The following JAM3 variants were observed in gnomAD, a reference collection of about 807,000 sequenced individuals.
The protein encoded by JAM3 is junctional adhesion molecule 3.
Under a neutral mutation model 39.4 loss-of-function variants are expected in JAM3, and 31 were observed. The observed-to-expected ratio is 0.79, with a 90% CI of 0.59 to 1.06. The LOEUF (loss-of-function observed/expected upper bound fraction) is 1.06, where lower values mean the gene tolerates loss of function less well. Ranked by LOEUF, JAM3 falls within the 50% of genes least tolerant of loss-of-function variation. The pLI, the probability that JAM3 is intolerant of heterozygous loss-of-function variation, is 0.00. For missense variants in JAM3, 455 were observed against 391.4 expected, an observed-to-expected ratio of 1.16 and a Z score of -1.37; for synonymous variants, 182 against 148.7, an observed-to-expected ratio of 1.22 and a Z score of -1.63.
chr11:134,101,949 G>C (rs1012187831), intron 1 of JAM3, among the ~76,000 whole-genome samples: 1 of 152,170 alleles, frequency 6.6e-6, no homozygotes, highest in African/African-American at 2.4e-5. Context: ...GTATTCCCAA[G>C]AGTCTGAGGT....
At chr11:134,112,882 TTG>T (rs1394673811) in intron 1 of JAM3, among the ~76,000 whole-genome samples, 1 of 152,174 alleles carries the variant, frequency 6.6e-6, no homozygotes, top group African/African-American at 2.4e-5. Context: ...CATGAAAATC[TTG>T]TCTCATTTGA....
chr11:134,105,064 A>C (rs1442660997), intron 1 of JAM3, among the ~76,000 whole-genome samples: 1 of 152,218 alleles, frequency 6.6e-6, no homozygotes, highest in African/African-American at 2.4e-5. Flanking sequence ...AGAGAATTTT[A>C]GACCAATATC....
At chr11:134,141,105 G>A (rs1165428005) in intron 3 of JAM3, among the ~76,000 whole-genome samples, 1 of 152,096 alleles carries the variant, frequency 6.6e-6, no homozygotes, top group Non-Finnish European at 1.5e-5. Flanking sequence ...TGATGTAGGT[G>A]AGTGAATGAG....
intron 1 of JAM3, among the ~76,000 whole-genome samples, chr11:134,093,385 T>C (rs1941911120): frequency 8.0e-6 from 1 of 125,254 alleles, no homozygotes; most frequent in South Asian, 2.9e-4. Flanking sequence ...CCACCTTACA[T>C]CTTATTCATC....
intron 1 of JAM3, among the ~76,000 whole-genome samples, chr11:134,107,092 T>C (rs28775869): frequency 7.9e-5 from 12 of 152,130 alleles, no homozygotes; most frequent in Non-Finnish European, 1.6e-4. Context: ...CAAATGTCCA[T>C]CAATGATAGA....
At chr11:134,114,367 G>A (rs1389070837) in intron 1 of JAM3, among the ~76,000 whole-genome samples, 1 of 152,164 alleles carries the variant, frequency 6.6e-6, no homozygotes, top group East Asian at 1.9e-4. Flanking sequence ...TGTATAAGGT[G>A]TGAGGAACGG....
At chr11:134,115,106 G>A (rs1233583644) in intron 1 of JAM3, among the ~76,000 whole-genome samples, 1 of 152,058 alleles carries the variant, frequency 6.6e-6, no homozygotes, top group African/African-American at 2.4e-5. Flanking sequence ...TTATTGTTAT[G>A]AAATGACTTC....
chr11:134,130,681 C>T (rs892361175), intron 1 of JAM3, among the ~76,000 whole-genome samples: 1 of 152,238 alleles, frequency 6.6e-6, no homozygotes, highest in Non-Finnish European at 1.5e-5. Flanking sequence ...TTTACACACC[C>T]TTGCCCTACC....
chr11:134,102,826 G>T (rs1035590281), intron 1 of JAM3, among the ~76,000 whole-genome samples: 7 of 152,110 alleles, frequency 4.6e-5, no homozygotes, highest in African/African-American at 1.4e-4. Flanking sequence ...AAAGTAAAAA[G>T]AAACAAACAC....
At chr11:134,134,398 C>CAAAAAAAAAAAAAAAAAAAAAAAAAAAA (rs34729848) in intron 1 of JAM3, among the ~76,000 whole-genome samples, 3 of 31,920 alleles carry the variant, frequency 9.4e-5, no homozygotes, top group African/African-American at 1.3e-4. Context: ...GGATAAATGC[C>CAAAAAAAAAAAAAAAAAAAAAAAAAAAA]AAAAAAAAAA....
Position 134,123,367 on chromosome 11 carries a change from A to G in JAM3, c.77-16484A>G, listed in dbSNP as rs1386216371. Among the ~76,000 whole-genome samples, 7 of 151,990 alleles carry G rather than the reference A, an allele frequency of 4.6e-5. No individual in the cohort carries two copies. The East Asian group carries it at 1.4e-3, about 30-fold the overall frequency. On this transcript the variant is annotated intron_variant, in intron 1 of 8. Transcript: ENST00000299106. ...GGAGAGGAAGGAAAAAAGGAGAAAA[A>G]TACACCACCACCCCCCCCCCCCCAA...
intron 1 of JAM3, among the ~76,000 whole-genome samples, chr11:134,071,621 C>A (rs1268970048): frequency 6.6e-6 from 1 of 152,140 alleles, no homozygotes; most frequent in Non-Finnish European, 1.5e-5. Flanking sequence ...AAAACAGCAA[C>A]AGTTTTCATT....
At chr11:134,116,076 T>C (rs1303219028) in intron 1 of JAM3, among the ~76,000 whole-genome samples, 1 of 152,190 alleles carries the variant, frequency 6.6e-6, no homozygotes, top group Non-Finnish European at 1.5e-5. Context: ...TGTTTCTTTT[T>C]CCCTTTCTAT....
chr11:134,132,625 A>C (rs1422320551), intron 1 of JAM3, among the ~76,000 whole-genome samples: 1 of 152,222 alleles, frequency 6.6e-6, no homozygotes, highest in Non-Finnish European at 1.5e-5. Context: ...CTCTGGTAAG[A>C]CAATTTCTCT....
Position 134,102,490 on chromosome 11 carries a change from A to G in JAM3, c.76+33331A>G, listed in dbSNP as rs576408671. Among the ~76,000 whole-genome samples the G allele has an allele frequency of 2.8e-4, 43 of 152,380 alleles. No homozygotes were observed. The South Asian group carries it at 3.7e-3, about 13-fold the overall frequency. On this transcript the variant is annotated intron_variant, in intron 1 of 8. Transcript: ENST00000299106. ...CTCCAAAGGACCGCAGCTCCTCACCAGCAACGGAACAAAGCTGGACACAGA... is the reference window on the plus strand; with the variant it reads ...CTCCAAAGGACCGCAGCTCCTCACCGGCAACGGAACAAAGCTGGACACAGA...
intron 1 of JAM3, among the ~76,000 whole-genome samples, chr11:134,116,079 C>T (rs1387705002): frequency 6.6e-6 from 1 of 152,018 alleles, no homozygotes; most frequent in Non-Finnish European, 1.5e-5. Flanking sequence ...TTCTTTTTCC[C>T]TTTCTATTTT....
chr11:134,104,670 G>C (rs888733510), intron 1 of JAM3, among the ~76,000 whole-genome samples: 46 of 152,200 alleles, frequency 3.0e-4, no homozygotes, highest in African/African-American at 1.0e-3. Context: ...TGATAAAGGA[G>C]ATATCGCCAC....
At chr11:134,130,494 T>A (rs1247800287) in intron 1 of JAM3, among the ~76,000 whole-genome samples, 1 of 152,072 alleles carries the variant, frequency 6.6e-6, no homozygotes. Context: ...AGCAAAATGG[T>A]GGACTGGGAA....
At chr11:134,146,551 C>CT (rs534444268) in intron 6 of JAM3, among the ~76,000 whole-genome samples, 53 of 148,278 alleles carry the variant, frequency 3.6e-4, no homozygotes, top group East Asian at 2.2e-3. Context: ...ACTTGGGGAG[C>CT]TTTTTTTTTT....
Sources: allele counts gnomAD v4.1 joint callset (sites outside exome capture counted in the v4.1 genomes callset), GRCh38; gene constraint gnomAD v4.1.1; transcripts MANE v1.5; gene names NCBI Gene and HGNC (gene_info 2026-07-23, HGNC 2026-07-21).